The following CPPED1 variants were observed in gnomAD, a reference collection of about 807,000 sequenced individuals.
The protein encoded by CPPED1 is calcineurin like phosphoesterase domain containing 1.
Under a neutral mutation model 28.0 loss-of-function variants are expected in CPPED1, and 28 were observed. That is an observed-to-expected ratio of 1.00 (90% CI 0.74 to 1.37). The LOEUF is 1.37. CPPED1 is among the 40% of genes most tolerant of loss of function. The pLI is 0.00. For missense variants in CPPED1, 504 were observed against 416.5 expected (o/e 1.21, Z -1.83); for synonymous variants, 198 against 180.2 (o/e 1.10, Z -0.79).
chr16:12,798,030 G>C (rs992088627), intron 1 of CPPED1, among the ~76,000 whole-genome samples: 1 of 152,100 alleles, frequency 6.6e-6, no homozygotes, highest in Admixed American at 6.6e-5. Flanking sequence ...CTGCAAATCA[G>C]CCATGATCAC....
intron 2 of CPPED1, among the ~76,000 whole-genome samples, chr16:12,733,218 CAT>C (rs2080208252): frequency 6.6e-6 from 1 of 151,090 alleles, no homozygotes; most frequent in Admixed American, 6.6e-5. Flanking sequence ...TTTAAAATAA[CAT>C]ATGTACAGGC....
At chr16:12,681,842 A>G (rs1161414885) in intron 3 of CPPED1, among the ~76,000 whole-genome samples, 1 of 152,154 alleles carries the variant, frequency 6.6e-6, no homozygotes, top group East Asian at 1.9e-4. Context: ...ACTTAGAATC[A>G]GAAAGGACAT....
chr16:12,695,822 C>A (rs2079986870), intron 3 of CPPED1, among the ~76,000 whole-genome samples: 1 of 152,192 alleles, frequency 6.6e-6, no homozygotes, highest in Admixed American at 6.5e-5. Context: ...TCTTTCTGAG[C>A]CTCTATTCTG....
At position 12,664,633 on chromosome 16, in the gene CPPED1, A is replaced by G; in HGVS notation, c.*253T>C. 7.8e-7 allele frequency: 1 copy of G among 1,285,908 alleles called. No homozygotes were observed. Among genetic ancestry groups the G allele is most frequent in the Non-Finnish European group, 9.8e-7 (1 of 1,021,036 alleles). The allele number at this position is 1,285,908 out of a possible 1,614,324, so 79.7% of individuals were successfully genotyped here. Reference sequence around the variant, plus strand: ...CAGCATTAGGAGAATTTATTCAAACATCCATGCAGAGATAGTCTAATATTT... The same window carrying G: ...CAGCATTAGGAGAATTTATTCAAACGTCCATGCAGAGATAGTCTAATATTT... On this transcript the variant is annotated 3_prime_UTR_variant, in exon 4 of 4. Transcript: ENST00000381774. The surrounding 1 kb of genome is among the most constrained non-coding windows in gnomAD (Gnocchi z 4.2).
At chr16:12,798,095 T>C (rs954406973) in intron 1 of CPPED1, among the ~76,000 whole-genome samples, 1 of 151,800 alleles carries the variant, frequency 6.6e-6, no homozygotes, top group African/African-American at 2.4e-5. Context: ...AGAAATAAAA[T>C]ACAATAAATA....
intron 2 of CPPED1, among the ~76,000 whole-genome samples, chr16:12,715,460 G>A (rs2080102471): frequency 6.6e-6 from 1 of 152,118 alleles, no homozygotes; most frequent in Non-Finnish European, 1.5e-5. Context: ...AAGAGTTCGA[G>A]ACTAGCCTGG....
chr16:12,719,620 C>T lies in CPPED1; in HGVS notation c.290-14571G>A, dbSNP rs55710558. The stretch of plus-strand genomic sequence containing the variant: ...ATAGGATTTGATTTTTCCCTCCATA[C>T]GCACAAATGACCTTAAAAATTAAAC... On this transcript the variant is annotated intron_variant, in intron 2 of 3. Transcript: ENST00000381774. Among the ~76,000 whole-genome samples the T allele has an allele frequency of 7.1e-3, 1,086 of 152,164 alleles. 9 individuals carry two copies. Among genetic ancestry groups the T allele is most frequent in the Non-Finnish European group, 0.012 (840 of 68,004 alleles).
At chr16:12,799,274 C>T (rs1324796690) in intron 1 of CPPED1, among the ~76,000 whole-genome samples, 1 of 142,948 alleles carries the variant, frequency 7.0e-6, no homozygotes, top group Non-Finnish European at 1.5e-5. Flanking sequence ...GAGACACAGT[C>T]ATCACTCTGT....
intron 1 of CPPED1, among the ~76,000 whole-genome samples, chr16:12,796,848 A>C (rs774852343): frequency 7.9e-5 from 12 of 152,214 alleles, no homozygotes; most frequent in Non-Finnish European, 2.9e-5. Context: ...GTGTCAAAAA[A>C]AAAATGTCCA....
intron 2 of CPPED1, among the ~76,000 whole-genome samples, chr16:12,706,619 T>A (rs1257296410): frequency 6.7e-6 from 1 of 149,856 alleles, no homozygotes; most frequent in Admixed American, 6.6e-5. Flanking sequence ...TAAAGAAGAT[T>A]GAGGAAGCCA....
At chr16:12,704,493 G>T in intron 3 of CPPED1, 131 bp downstream of exon 3, 4 of 898,262 alleles carry the variant, frequency 4.5e-6, no homozygotes, top group Non-Finnish European at 6.7e-6. Context: ...AAGTCCAAGA[G>T]CTGGTATCAG....
chr16:12,788,079 C>A (rs989964680), intron 1 of CPPED1, among the ~76,000 whole-genome samples: 1 of 152,182 alleles, frequency 6.6e-6, no homozygotes, highest in Non-Finnish European at 1.5e-5. Flanking sequence ...TGGGCCTCTC[C>A]AATATGGCAG....
At chr16:12,718,703 C>G (rs190646666) in intron 2 of CPPED1, among the ~76,000 whole-genome samples, 26 of 152,194 alleles carry the variant, frequency 1.7e-4, no homozygotes, top group East Asian at 1.4e-3. Flanking sequence ...TGGCTCACGC[C>G]TGTAATTCCA....
chr16:12,782,090 G>C (rs747812957), intron 1 of CPPED1, among the ~76,000 whole-genome samples: 33 of 152,256 alleles, frequency 2.2e-4, no homozygotes, highest in Middle Eastern at 3.4e-3. Flanking sequence ...AAGGGATCTA[G>C]GCCACCTGAA....
intron 3 of CPPED1, among the ~76,000 whole-genome samples, chr16:12,695,551 G>A (rs1202770651): frequency 2.0e-5 from 3 of 152,212 alleles, no homozygotes; most frequent in African/African-American, 7.2e-5. Flanking sequence ...GATTACAGGT[G>A]TGAGCCACCA....
At chr16:12,755,307 G>A (rs1056675841) in intron 2 of CPPED1, among the ~76,000 whole-genome samples, 3 of 125,078 alleles carry the variant, frequency 2.4e-5, no homozygotes, top group African/African-American at 6.0e-5. Context: ...TTTGAGACAA[G>A]GTCTCCCTCT....
At chr16:12,732,214 C>A (rs529538702) in intron 2 of CPPED1, among the ~76,000 whole-genome samples, 1 of 141,548 alleles carries the variant, frequency 7.1e-6, no homozygotes, top group East Asian at 2.0e-4. Context: ...TTACAGGATG[C>A]TATTTTGAAA....
rs1390402014 is a variant in CPPED1 at position 12,670,961 on chromosome 16, C to T, written c.716-5846G>A. 2.6e-5 allele frequency among the ~76,000 whole-genome samples: 4 copies of T among 152,126 alleles called. No homozygotes were observed. Among genetic ancestry groups the T allele is most frequent in the Non-Finnish European group, 5.9e-5 (4 of 68,024 alleles). ...CGCCTCCCGGGTTCAAGTGATTCTC[C>T]TGCCTCAGCCTCCTGAGTAGCTGGG... On this transcript the variant is annotated intron_variant, in intron 3 of 3. Transcript: ENST00000381774. This position sits in a 1 kb window ranked among gnomAD's most constrained non-coding sequence, Gnocchi z 4.2.
At chr16:12,770,277 T>C (rs1218593270) in intron 2 of CPPED1, among the ~76,000 whole-genome samples, 1 of 152,164 alleles carries the variant, frequency 6.6e-6, no homozygotes, top group Non-Finnish European at 1.5e-5. Flanking sequence ...CCTCTTGGAC[T>C]TCAAGCCTAA....
Sources: allele counts gnomAD v4.1 joint callset (sites outside exome capture counted in the v4.1 genomes callset), GRCh38; gene constraint gnomAD v4.1.1; non-coding constraint Gnocchi (gnomAD v3.1); transcripts MANE v1.5; gene names NCBI Gene and HGNC (gene_info 2026-07-23, HGNC 2026-07-21).